Variants in TNFRSF10A observed in about 807,000 individuals in gnomAD.
TNFRSF10A encodes TNF receptor superfamily member 10a.
TNFRSF10A carries 44 observed loss-of-function variants against 42.8 expected under a neutral mutation model. The observed-to-expected ratio is 1.03, with a 90% confidence interval of 0.81 to 1.32. TNFRSF10A has a LOEUF of 1.32. TNFRSF10A is among the 40% of genes most tolerant of loss of function. TNFRSF10A has a pLI of 0.00. For missense variants in TNFRSF10A, 680 were observed against 602.0 expected, an observed-to-expected ratio of 1.13 and a Z score of -1.36; for synonymous variants, 259 against 234.2, an observed-to-expected ratio of 1.11 and a Z score of -0.97.
chr8:23,194,593 C>T (rs1045952286), intron 9 of TNFRSF10A, among the ~76,000 whole-genome samples: 1 of 152,082 alleles, frequency 6.6e-6, no homozygotes, highest in African/African-American at 2.4e-5. Context: ...AGTCTTCTGA[C>T]TTATTGGTGA....
rs953334625 is a variant in TNFRSF10A, at chr8:23,214,214, G to A, written c.307-2002C>T. On this transcript the variant is annotated intron_variant, in intron 1 of 9. Transcript: ENST00000221132. The stretch of plus-strand genomic sequence containing the variant: ...TTAAAATGTGTTGTTTAGGCCGGGC[G>A]CAGTGGCTCATGCCTGTAATCCCAG... Among the ~76,000 whole-genome samples the A allele has an allele frequency of 1.3e-4, 20 of 152,116 alleles. 1 individual carries two copies. Among genetic ancestry groups the A allele is most frequent in the Middle Eastern group, 3.4e-3 (1 of 294 alleles).
chr8:23,207,110 C>T (rs1801025995), intron 2 of TNFRSF10A: 4 of 570,264 alleles, frequency 7.0e-6, no homozygotes, highest in Non-Finnish European at 1.3e-5. Flanking sequence ...ACAAGCTTGA[C>T]CACTATGCTA....
Position 23,199,919 on chromosome 8 carries a change from T to A in TNFRSF10A, c.800-2A>T. 6.2e-7 allele frequency: 1 copy of A among 1,613,930 alleles called. No individual in the cohort carries two copies. The highest frequency in any genetic ancestry group is 1.1e-5 in the South Asian group (1 of 91,074). On this transcript the variant is annotated splice_acceptor_variant, in intron 6 of 9. Transcript: ENST00000221132. LOFTEE classifies it high-confidence loss of function. ...TGCACTTGGGGTCCCCTCCACAACC[T>A]AGAAGAGAAGACGGTTCCCTTAGTG...
intron 1 of TNFRSF10A, among the ~76,000 whole-genome samples, chr8:23,213,836 C>T (rs1490731002): frequency 6.6e-6 from 1 of 152,152 alleles, no homozygotes; most frequent in Non-Finnish European, 1.5e-5. Flanking sequence ...CTATCATTTT[C>T]CATTATAACA....
chr8:23,200,945 A>G (rs6557629), intron 4 of TNFRSF10A, among the ~76,000 whole-genome samples, 185 bp from the exon 5 acceptor site: 46,989 of 151,878 alleles, frequency 0.31, 8,179 homozygotes, highest in East Asian at 0.83. Context: ...CTGAGCATGC[A>G]CACTTTACCC....
At chr8:23,218,163 T>TGAGAGAGAGAGAGAGAGGGA (rs202110926) in intron 1 of TNFRSF10A, among the ~76,000 whole-genome samples, 1 of 151,726 alleles carries the variant, frequency 6.6e-6, no homozygotes, top group Non-Finnish European at 1.5e-5. Flanking sequence ...TGTTTGTGTG[T>TGAGAGAGAGAGAGAGAGGGA]GTGAGAGAGA....
rs1800754675 is a variant in TNFRSF10A, at chr8:23,191,636, A to C, written c.*58T>G. The C allele has an allele frequency of 9.5e-6, 14 of 1,479,580 alleles. No individual in the cohort carries two copies. The highest frequency in any genetic ancestry group is 1.2e-5 in the Non-Finnish European group (14 of 1,122,386). The allele number at this position is 1,479,580 out of a possible 1,614,324, so 91.7% of individuals were successfully genotyped here. A position where few individuals can be genotyped will look rare whatever the true frequency, so the allele number is the denominator to read the frequency against. Reference sequence around the variant, plus strand: ...TTGTATACATGTTAAAAAAAAAAAAAACCTAATATGTATTAACTCCTAACA... The same window carrying C: ...TTGTATACATGTTAAAAAAAAAAAACACCTAATATGTATTAACTCCTAACA... On this transcript the variant is annotated 3_prime_UTR_variant, in exon 10 of 10. Transcript: ENST00000221132.
At chr8:23,212,553 A>C (rs1166249508) in intron 1 of TNFRSF10A, among the ~76,000 whole-genome samples, 2 of 152,208 alleles carry the variant, frequency 1.3e-5, no homozygotes, top group Non-Finnish European at 2.9e-5. Context: ...CATGCATTGG[A>C]ATTTCATTCC....
intron 1 of TNFRSF10A, among the ~76,000 whole-genome samples, chr8:23,222,655 T>C (rs916715248): frequency 6.6e-6 from 1 of 152,214 alleles, no homozygotes; most frequent in Non-Finnish European, 1.5e-5. Flanking sequence ...CCTTGGTGTC[T>C]GCTACGGGTC....
intron 1 of TNFRSF10A, among the ~76,000 whole-genome samples, chr8:23,216,414 A>G (rs911069935): frequency 1.3e-5 from 2 of 152,176 alleles, no homozygotes; most frequent in African/African-American, 2.4e-5. Flanking sequence ...AACCATCAAT[A>G]AAATCAATTT....
intron 8 of TNFRSF10A, 30 bp downstream of exon 8, chr8:23,199,236 A>ATTGT (rs1800870025): frequency 6.3e-7 from 1 of 1,593,792 alleles, no homozygotes; most frequent in African/African-American, 1.3e-5. Flanking sequence ...CCTGCCTACA[A>ATTGT]GGTCTTGGAG....
intron 1 of TNFRSF10A, among the ~76,000 whole-genome samples, chr8:23,221,269 G>A (rs139778857): frequency 2.6e-5 from 4 of 152,318 alleles, no homozygotes; most frequent in East Asian, 1.9e-4. Context: ...ACACAGGGCC[G>A]CTGCAGACTT....
rs779730605 is a variant in TNFRSF10A at position 23,191,748 on chromosome 8, A to G, written c.1353T>C (p.Ser451=). Reference sequence around the variant, plus strand: ...CATCTTCTAAGTAGATGAACTTTCCAGAGTCCACCAAGAGGTCCTGAATCT... The same window carrying G: ...CATCTTCTAAGTAGATGAACTTTCCGGAGTCCACCAAGAGGTCCTGAATCT... ...REKIQDLLVD[S]GKFIYLEDGT... is the part of the protein sequence containing the mutation. Residue 451 remains serine (S), a synonymous_variant, in exon 10 of 10, where the codon TCT becomes TCC. Coordinates refer to ENST00000221132, the MANE Select transcript of TNFRSF10A (RefSeq NM_003844.4). 3.1e-6 allele frequency: 5 copies of G among 1,614,142 alleles called. No individual in the cohort carries two copies. The highest frequency in any genetic ancestry group is 1.7e-5 in the Admixed American group (1 of 60,028).
rs1563378842 is a variant in TNFRSF10A at position 23,200,560 on chromosome 8, CAA to C, written c.742_743del (p.Leu248GlyfsTer44). The C allele has an allele frequency of 8.1e-6, 13 of 1,614,162 alleles. No individual in the cohort carries two copies. Among genetic ancestry groups the C allele is most frequent in the Non-Finnish European group, 1.1e-5 (13 of 1,180,004 alleles). ...HNIWVILVVT[L>X]VVPLLLVAVL... ...CAGCCACCAACAGCAACGGAACAAC[CAA>C]AGTCACAACCAAAATCACCCATATA... On this transcript the variant is annotated frameshift_variant, in exon 6 of 10. Coordinates refer to ENST00000221132, the MANE Select transcript of TNFRSF10A (RefSeq NM_003844.4). LOFTEE classifies it high-confidence loss of function.
At chr8:23,217,857 G>A (rs1477738643) in intron 1 of TNFRSF10A, among the ~76,000 whole-genome samples, 1 of 152,206 alleles carries the variant, frequency 6.6e-6, no homozygotes, top group African/African-American at 2.4e-5. Flanking sequence ...ATGAGGCACA[G>A]CCATCAATAA....
chr8:23,210,859 T>C (rs1043500861), intron 2 of TNFRSF10A, among the ~76,000 whole-genome samples: 3 of 152,182 alleles, frequency 2.0e-5, no homozygotes, highest in Non-Finnish European at 4.4e-5. Context: ...AGCATTTTAC[T>C]AACTCCAACA....
intron 1 of TNFRSF10A, among the ~76,000 whole-genome samples, chr8:23,220,133 C>T (rs1285717914): frequency 6.6e-6 from 1 of 152,200 alleles, no homozygotes; most frequent in Non-Finnish European, 1.5e-5. Context: ...ATCACAGATA[C>T]CTGCCTGGGA....
chr8:23,197,498 A>C (rs575764457), intron 8 of TNFRSF10A, among the ~76,000 whole-genome samples: 4 of 152,116 alleles, frequency 2.6e-5, no homozygotes, highest in African/African-American at 9.7e-5. Context: ...CCTTATGAGA[A>C]TCTTATGCCT....
chr8:23,193,060 G>T (rs1476414502), intron 9 of TNFRSF10A, among the ~76,000 whole-genome samples: 1 of 152,154 alleles, frequency 6.6e-6, no homozygotes, highest in African/African-American at 2.4e-5. Context: ...AGTTTTAGTT[G>T]GTCAGGGAGA....
Sources: gnomAD v4.1 joint callset for allele counts (sites outside exome capture counted in the v4.1 genomes callset) on GRCh38, gnomAD v4.1.1 for gene constraint, MANE v1.5 for transcripts, NCBI Gene and HGNC (gene_info 2026-07-23, HGNC 2026-07-21) for gene names.